SCFD2: variants seen among roughly 807,000 people sequenced by gnomAD.
The protein encoded by SCFD2 is sec1 family domain containing 2, also known as sec1 family domain-containing protein 2.
A neutral mutation model predicts 58.9 loss-of-function variants in SCFD2; 54 were observed. The ratio of observed to expected loss-of-function variants is 0.92; its 90% CI spans 0.74 to 1.15. The LOEUF is 1.15. Ranked by LOEUF, SCFD2 falls within the 50% of genes most tolerant of loss-of-function variation. SCFD2 has a pLI of 0.00. For missense variants in SCFD2, 805 were observed against 836.6 expected, an observed-to-expected ratio of 0.96 and a Z score of 0.47; for synonymous variants, 321 against 335.9, an observed-to-expected ratio of 0.96 and a Z score of 0.49.
intron 5 of SCFD2, among the ~76,000 whole-genome samples, chr4:52,942,048 A>G (rs1230842345): frequency 6.6e-6 from 1 of 152,194 alleles, no homozygotes; most frequent in Non-Finnish European, 1.5e-5. Context: ...AAGAGAAGCT[A>G]CTGCTGATTC....
In SCFD2 at chr4:53,054,392, G is replaced by A. The variant is rs147865277; in HGVS notation, c.1561+90941C>T. On this transcript the variant is annotated intron_variant, in intron 5 of 8. Transcript: ENST00000401642. ...CCCCCTAGACTTAAGGCTTCTAGAGGGCAGAATTTTGTATTAATCAGCTCT... is the reference window on the plus strand; with the variant it reads ...CCCCCTAGACTTAAGGCTTCTAGAGAGCAGAATTTTGTATTAATCAGCTCT... 1.2e-4 allele frequency among the ~76,000 whole-genome samples: 19 copies of A among 152,118 alleles called. No individual in the cohort carries two copies. In the East Asian group the frequency reaches 3.7e-3, roughly 29 times the overall value.
intron 5 of SCFD2, chr4:52,950,729 T>G (rs947956516): frequency 1.3e-5 from 2 of 152,128 alleles, no homozygotes; most frequent in African/African-American, 4.8e-5. Context: ...TAAAGAGACT[T>G]GGGGATATAG....
chr4:53,255,395 T>A (rs951916576), intron 4 of SCFD2, among the ~76,000 whole-genome samples: 1 of 151,976 alleles, frequency 6.6e-6, no homozygotes, highest in African/African-American at 2.4e-5. Flanking sequence ...GTACTTAAGA[T>A]TGGGGAGTGG....
intron 4 of SCFD2, among the ~76,000 whole-genome samples, chr4:53,170,837 T>C (rs116073486): frequency 1.2e-3 from 180 of 152,290 alleles, no homozygotes; most frequent in African/African-American, 3.7e-3. Flanking sequence ...TAGTTAGCTG[T>C]TGGTGTATAG....
intron 3 of SCFD2, among the ~76,000 whole-genome samples, chr4:53,309,421 G>A (rs1732619000): frequency 6.6e-6 from 1 of 152,220 alleles, no homozygotes; most frequent in Non-Finnish European, 1.5e-5. Context: ...GTATCACCTT[G>A]TAGTGGATCA....
intron 5 of SCFD2, among the ~76,000 whole-genome samples, chr4:53,135,645 G>A (rs1270085483): frequency 6.6e-6 from 1 of 152,122 alleles, no homozygotes; most frequent in Non-Finnish European, 1.5e-5. Context: ...GGGAGGCTGA[G>A]GCAGGAGAAT....
chr4:53,117,989 TC>T (rs1321921415), intron 5 of SCFD2, among the ~76,000 whole-genome samples: 1 of 152,134 alleles, frequency 6.6e-6, no homozygotes, highest in Non-Finnish European at 1.5e-5. Flanking sequence ...GCACTGGACT[TC>T]CATTTCAGTT....
intron 6 of SCFD2, among the ~76,000 whole-genome samples, chr4:52,916,514 C>T (rs917686099): frequency 6.6e-6 from 1 of 152,180 alleles, no homozygotes; most frequent in African/African-American, 2.4e-5. Context: ...GCAGAGGTTG[C>T]AGTGAGCCGA....
At chr4:52,911,706 T>A (rs1719490606) in intron 6 of SCFD2, among the ~76,000 whole-genome samples, 1 of 152,226 alleles carries the variant, frequency 6.6e-6, no homozygotes, top group African/African-American at 2.4e-5. Context: ...CTGATTATCT[T>A]TTCATATAAC....
At chr4:52,940,188 C>T (rs753259234) in intron 5 of SCFD2, among the ~76,000 whole-genome samples, 3 of 152,186 alleles carry the variant, frequency 2.0e-5, no homozygotes, top group Non-Finnish European at 2.9e-5. Flanking sequence ...AATGAACAGC[C>T]GTTGGGGTGG....
At chr4:53,247,936 G>A (rs1287547992) in intron 4 of SCFD2, among the ~76,000 whole-genome samples, 1 of 151,680 alleles carries the variant, frequency 6.6e-6, no homozygotes, top group Non-Finnish European at 1.5e-5. Flanking sequence ...TGGCCGAATA[G>A]GAACAGCTCC....
At chr4:52,899,578 G>T (rs572746977) in intron 7 of SCFD2, among the ~76,000 whole-genome samples, 13 of 152,186 alleles carry the variant, frequency 8.5e-5, no homozygotes, top group African/African-American at 2.2e-4. Flanking sequence ...TGGCTGCCCT[G>T]AACATTTTTT....
At chr4:52,890,793 G>T (rs181031070) in intron 7 of SCFD2, among the ~76,000 whole-genome samples, 1 of 152,070 alleles carries the variant, frequency 6.6e-6, no homozygotes, top group Non-Finnish European at 1.5e-5. Context: ...CCCTTTTGAG[G>T]TGTGCGCCCC....
intron 5 of SCFD2, among the ~76,000 whole-genome samples, chr4:52,948,119 C>T (rs971772671): frequency 1.3e-5 from 2 of 152,124 alleles, no homozygotes; most frequent in African/African-American, 4.8e-5. Context: ...ATATGGGATA[C>T]AGCAGAGGCT....
chr4:52,979,344 A>C (rs1721325390), intron 5 of SCFD2, among the ~76,000 whole-genome samples: 1 of 151,980 alleles, frequency 6.6e-6, no homozygotes, highest in South Asian at 2.1e-4. Flanking sequence ...CCATATACAA[A>C]TATTTTTTCT....
intron 4 of SCFD2, among the ~76,000 whole-genome samples, chr4:53,200,142 T>C (rs1028060128): frequency 6.6e-6 from 1 of 152,108 alleles, no homozygotes; most frequent in Non-Finnish European, 1.5e-5. Context: ...CATACGGGTT[T>C]TGGCAGAACA....
At chr4:53,223,648 C>T (rs1729114545) in intron 4 of SCFD2, among the ~76,000 whole-genome samples, 1 of 152,190 alleles carries the variant, frequency 6.6e-6, no homozygotes, top group South Asian at 2.1e-4. Flanking sequence ...ATGGAAATCT[C>T]GTTTGGCTTG....
intron 4 of SCFD2, among the ~76,000 whole-genome samples, chr4:53,248,698 C>T (rs114310874): frequency 0.016 from 2,439 of 152,286 alleles, 71 homozygotes; most frequent in African/African-American, 0.056. Context: ...TCCTCAGGGT[C>T]TGGAGTAGAC....
chr4:52,933,623 G>A (rs541967064), intron 5 of SCFD2, among the ~76,000 whole-genome samples: 17 of 152,224 alleles, frequency 1.1e-4, no homozygotes, highest in Admixed American at 3.9e-4. Context: ...AACTACAGCC[G>A]GCTCCATGAT....
Sources: allele counts gnomAD v4.1 joint callset (sites outside exome capture counted in the v4.1 genomes callset), GRCh38; gene constraint gnomAD v4.1.1; transcripts MANE v1.5; gene names NCBI Gene and HGNC (gene_info 2026-07-23, HGNC 2026-07-21).